NAV3: variants seen among roughly 807,000 people sequenced by gnomAD.
NAV3 encodes pore membrane and/or filament interacting like protein 1.
Under a neutral mutation model 244.7 loss-of-function variants are expected in NAV3, and 87 were observed. The ratio of observed to expected loss-of-function variants is 0.36; its 90% CI spans 0.30 to 0.42. NAV3 has a LOEUF of 0.42. Ranked by LOEUF, NAV3 falls within the 20% of genes least tolerant of loss-of-function variation. The pLI, the probability that NAV3 is intolerant of heterozygous loss-of-function variation, is 1.00. For synonymous variants in NAV3, 1,126 were observed against 1,042.2 expected (o/e 1.08, Z -1.55); for missense variants, 2,663 against 2,893.3 (o/e 0.92, Z 1.83).
intron 2 of NAV3, among the ~76,000 whole-genome samples, chr12:77,679,222 A>G (rs1194993809): frequency 2.0e-5 from 3 of 152,194 alleles, no homozygotes; most frequent in Non-Finnish European, 4.4e-5. Flanking sequence ...TTTGAATATC[A>G]TAATAGTGCA....
chr12:77,993,609 A>C (rs1329063011), intron 5 of NAV3, among the ~76,000 whole-genome samples: 1 of 152,172 alleles, frequency 6.6e-6, no homozygotes, highest in African/African-American at 2.4e-5. Context: ...CAAGCCAGGC[A>C]ATTTTAAGGA....
chr12:77,834,981 A>G lies in NAV3; in HGVS notation c.243+3277A>G, dbSNP rs191866029. Among the ~76,000 whole-genome samples, 8 of 152,352 alleles carry G rather than the reference A, an allele frequency of 5.3e-5. No individual in the cohort carries two copies. The South Asian group carries it at 6.2e-4, about 12-fold the overall frequency. ...TGGCTGCAAAAGCAGAAAAGTCAAC[A>G]TAACAATAGCATAAAGAAGATAGAC... On this transcript the variant is annotated intron_variant, in intron 1 of 39. Transcript: ENST00000397909.
chr12:77,687,504 C>T (rs1874810963), intron 2 of NAV3, among the ~76,000 whole-genome samples: 1 of 152,094 alleles, frequency 6.6e-6, no homozygotes, highest in Non-Finnish European at 1.5e-5. Flanking sequence ...TGTGGACAAT[C>T]CAGAGTTTGG....
intron 2 of NAV3, among the ~76,000 whole-genome samples, chr12:77,657,850 C>T (rs1873198988): frequency 6.6e-6 from 1 of 152,142 alleles, no homozygotes; most frequent in African/African-American, 2.4e-5. Context: ...GAACCAAAGA[C>T]AAAAACCACA....
intron 9 of NAV3, among the ~76,000 whole-genome samples, chr12:78,040,132 C>A (rs1299458843): frequency 6.6e-6 from 1 of 152,096 alleles, no homozygotes; most frequent in African/African-American, 2.4e-5. Context: ...ATATTTAAGA[C>A]CATGCAATCA....
chr12:77,688,186 A>C (rs1483975195), intron 2 of NAV3, among the ~76,000 whole-genome samples: 1 of 152,066 alleles, frequency 6.6e-6, no homozygotes, highest in Non-Finnish European at 1.5e-5. Flanking sequence ...AAAAGTTAAA[A>C]AAAAATTTAA....
At chr12:77,685,423 T>C (rs868675873) in intron 2 of NAV3, among the ~76,000 whole-genome samples, 6 of 151,702 alleles carry the variant, frequency 4.0e-5, no homozygotes, top group Admixed American at 6.6e-5. Context: ...CTGTCTTCAA[T>C]GACAGATTCT....
chr12:78,156,880 T>A (rs1226524028), intron 22 of NAV3, among the ~76,000 whole-genome samples: 2 of 152,140 alleles, frequency 1.3e-5, no homozygotes, highest in Non-Finnish European at 2.9e-5. Flanking sequence ...AACTAACTTA[T>A]GCTACATACC....
chr12:78,068,687 T>A (rs1463585220), intron 12 of NAV3, among the ~76,000 whole-genome samples: 3 of 148,378 alleles, frequency 2.0e-5, no homozygotes, highest in African/African-American at 7.3e-5. Context: ...ATGTAATATA[T>A]ATAAATCTGT....
intron 3 of NAV3, among the ~76,000 whole-genome samples, chr12:77,959,650 T>G (rs1242283): frequency 0.1 from 15,885 of 151,934 alleles, 989 homozygotes; most frequent in East Asian, 0.21. Flanking sequence ...AAATGATTAT[T>G]ATGGGCCCCA....
intron 2 of NAV3, among the ~76,000 whole-genome samples, chr12:77,809,931 G>A (rs980601382): frequency 2.0e-5 from 3 of 152,044 alleles, no homozygotes; most frequent in African/African-American, 7.2e-5. Context: ...AGTTGTTCCA[G>A]TACAGAAAAA....
At chr12:78,058,113 G>A (rs1396732356) in intron 11 of NAV3, among the ~76,000 whole-genome samples, 1 of 152,094 alleles carries the variant, frequency 6.6e-6, no homozygotes, top group East Asian at 1.9e-4. Flanking sequence ...AACTAATTGT[G>A]ACAGATAGCA....
chr12:78,069,971 C>T (rs1211625380), intron 12 of NAV3, among the ~76,000 whole-genome samples: 1 of 151,964 alleles, frequency 6.6e-6, no homozygotes, highest in African/African-American at 2.4e-5. Flanking sequence ...GTTAGGTTTT[C>T]CTGCTGACAA....
intron 38 of NAV3, 70 bp downstream of exon 38, chr12:78,200,661 A>G: frequency 1.2e-6 from 1 of 846,944 alleles, no homozygotes; most frequent in Non-Finnish European, 1.7e-6. Context: ...TTTAAAAGCA[A>G]AAAAAAATAT....
intron 2 of NAV3, among the ~76,000 whole-genome samples, chr12:77,801,729 T>A (rs549590272): frequency 1.3e-5 from 2 of 152,174 alleles, no homozygotes; most frequent in Non-Finnish European, 2.9e-5. Context: ...TTTATGTAAC[T>A]CGACCTGCAA....
chr12:77,951,417 A>G (rs1441885628), intron 3 of NAV3, among the ~76,000 whole-genome samples: 2 of 152,148 alleles, frequency 1.3e-5, no homozygotes, highest in Non-Finnish European at 2.9e-5. Context: ...AAGTCAGGAA[A>G]CAGCAGTGCT....
chr12:78,142,869 G>A (rs907438518), intron 20 of NAV3, among the ~76,000 whole-genome samples: 12 of 151,736 alleles, frequency 7.9e-5, no homozygotes, highest in Admixed American at 7.9e-4. Context: ...TATTTGAGAT[G>A]ATGAAAATGA....
chr12:78,081,621 A>G (rs965253558), intron 12 of NAV3, among the ~76,000 whole-genome samples: 1 of 152,138 alleles, frequency 6.6e-6, no homozygotes, highest in Non-Finnish European at 1.5e-5. Context: ...ACCCATGTAA[A>G]TAGGCAGGGG....
intron 2 of NAV3, among the ~76,000 whole-genome samples, chr12:77,800,565 C>T (rs1238058036): frequency 6.6e-6 from 1 of 151,948 alleles, no homozygotes; most frequent in Non-Finnish European, 1.5e-5. Flanking sequence ...ACATTTTGTT[C>T]TTATGGATTT....
Sources: allele counts gnomAD v4.1 joint callset (sites outside exome capture counted in the v4.1 genomes callset), GRCh38; gene constraint gnomAD v4.1.1; transcripts MANE v1.5; gene names NCBI Gene and HGNC (gene_info 2026-07-23, HGNC 2026-07-21).